Variants in MRTFB observed in about 807,000 individuals in gnomAD.
MRTFB encodes myocardin-related transcription factor B.
MRTFB carries 29 observed loss-of-function variants against 104.2 expected under a neutral mutation model. The observed-to-expected ratio is 0.28, with a 90% CI of 0.21 to 0.38. The LOEUF (loss-of-function observed/expected upper bound fraction) is 0.38. Among genes scored for constraint, MRTFB ranks in the 10% least tolerant of loss-of-function variants. The probability of loss-of-function intolerance (pLI) is 1.00; values close to 1 mark genes in which losing one functional copy is unlikely to be tolerated. For synonymous variants in MRTFB, 535 were observed against 519.5 expected (o/e 1.03, Z -0.41); for missense variants, 1,270 against 1,341.6 (o/e 0.95, Z 0.83).
intron 1 of MRTFB, among the ~76,000 whole-genome samples, chr16:14,077,428 T>C (rs1000316814): frequency 2.6e-5 from 4 of 152,164 alleles, no homozygotes; most frequent in African/African-American, 9.6e-5. Flanking sequence ...TTCTATTCTA[T>C]GACATTAGTC....
In MRTFB at chr16:14,261,055, A is replaced by C. The variant is rs774687627; in HGVS notation, c.2911A>C (p.Met971Leu). 3.6e-5 allele frequency: 58 copies of C among 1,614,074 alleles called. No homozygotes were observed. The highest frequency in any genetic ancestry group is 4.6e-5 in the Non-Finnish European group (54 of 1,180,050). ...QMAPPVSLEP[M>L]GSLSASLENQ... ...GGCACCACCTGTATCTTTAGAACCT[A>C]TGGGCAGTTTATCTGCCAGCTTAGA... The change falls in exon 17 of 17, where the codon ATG becomes CTG. Residue 971 changes from methionine (M) to leucine (L), a missense_variant. By Grantham distance (15) the Met-to-Leu change is conservative (BLOSUM62 2). This residue lies in a region of MRTFB where 1,144 missense variants were observed against 1,131.5 expected (regional missense o/e 1.01). Transcript: ENST00000571589.
the MRTFB span, among the ~76,000 whole-genome samples, chr16:14,023,275 A>G: frequency 6.6e-6 from 1 of 151,940 alleles, no homozygotes; most frequent in African/African-American, 2.4e-5. Context: ...CTATCTCTAC[A>G]AAAAATAAAA....
intron 8 of MRTFB, among the ~76,000 whole-genome samples, chr16:14,233,598 G>A (rs981693108): frequency 1.3e-5 from 2 of 151,958 alleles, no homozygotes; most frequent in Non-Finnish European, 2.9e-5. Context: ...GACCCAGCCT[G>A]GCCAACGTGG....
chr16:14,217,019 C>CAAAAATGTG, intron 6 of MRTFB, 107 bp from the exon 7 acceptor site: 1 of 1,160,780 alleles, frequency 8.6e-7, no homozygotes, highest in Non-Finnish European at 1.2e-6. Context: ...GTCGAGAACA[C>CAAAAATGTG]AAAAATGTGT....
In MRTFB at chr16:14,253,120, C is replaced by A. The variant is rs141537761; in HGVS notation, c.2703+618C>A. Among the ~76,000 whole-genome samples, 164 of 152,298 alleles carry A rather than the reference C, an allele frequency of 1.1e-3. 3 individuals carry two copies. In the East Asian group the frequency reaches 0.029, roughly 27 times the overall value. ...TAAAACAGAAGTAGCCCCAACCATA[C>A]CAAGCAATGGAAGAAGTTAGGGTTC... On this transcript the variant is annotated intron_variant, in intron 15 of 16. Transcript: ENST00000571589.
rs1360555737 is a variant in MRTFB, at chr16:14,174,757, C to T, written c.154+33997C>T. The stretch of plus-strand genomic sequence containing the variant: ...ATTTGAATTTTACATTTTCTGTTTT[C>T]GGGATCACCACCCGTTTGCCATCCT... On this transcript the variant is annotated intron_variant, in intron 3 of 16. Transcript: ENST00000571589. Among the ~76,000 whole-genome samples the T allele has an allele frequency of 3.9e-5, 6 of 152,078 alleles. No individual in the cohort carries two copies. In the South Asian group the frequency reaches 8.3e-4, roughly 21 times the overall value.
chr16:14,002,331 C>A, the MRTFB span, among the ~76,000 whole-genome samples: 7 of 151,312 alleles, frequency 4.6e-5, no homozygotes, highest in African/African-American at 1.5e-4. Flanking sequence ...TGCAGTGAGC[C>A]GAGATGATGC....
intron 9 of MRTFB, among the ~76,000 whole-genome samples, chr16:14,235,935 C>A (rs1336194499): frequency 6.6e-6 from 1 of 151,988 alleles, no homozygotes; most frequent in Non-Finnish European, 1.5e-5. Flanking sequence ...AATCCCTGCA[C>A]TTTGGGAGGC....
chr16:14,221,938 T>C (rs2041739170), intron 8 of MRTFB, among the ~76,000 whole-genome samples: 1 of 152,070 alleles, frequency 6.6e-6, no homozygotes, highest in Non-Finnish European at 1.5e-5. Flanking sequence ...CCCGCCATCA[T>C]GCCCAGCTAA....
At chr16:14,178,309 A>T (rs571166444) in intron 3 of MRTFB, among the ~76,000 whole-genome samples, 3 of 152,276 alleles carry the variant, frequency 2.0e-5, no homozygotes, top group African/African-American at 7.2e-5. Context: ...TGAGAAAGCT[A>T]TGAGGATAGT....
the MRTFB span, among the ~76,000 whole-genome samples, chr16:14,064,970 A>T: frequency 2.0e-5 from 3 of 152,116 alleles, no homozygotes; most frequent in East Asian, 5.8e-4. Context: ...TGAATTTTAG[A>T]ATAGTTTTTT....
the MRTFB span, among the ~76,000 whole-genome samples, chr16:14,037,854 C>G: frequency 1.3e-5 from 2 of 152,204 alleles, no homozygotes; most frequent in Non-Finnish European, 2.9e-5. Flanking sequence ...GGCTTGCTCT[C>G]ACTTTTTGGA....
chr16:14,210,046 C>T (rs2041126522), intron 3 of MRTFB, among the ~76,000 whole-genome samples, 197 bp from the exon 4 acceptor site: 1 of 152,172 alleles, frequency 6.6e-6, no homozygotes, highest in South Asian at 2.1e-4. Context: ...ACTGTGTAAA[C>T]TTTAGTGTTC....
chr16:14,175,526 A>G (rs985056778), intron 3 of MRTFB, among the ~76,000 whole-genome samples: 5 of 152,226 alleles, frequency 3.3e-5, no homozygotes, highest in African/African-American at 9.6e-5. Flanking sequence ...GTTTTTGGCT[A>G]TTACAAATAA....
intron 3 of MRTFB, among the ~76,000 whole-genome samples, chr16:14,209,794 T>TA (rs1171672314): frequency 6.6e-6 from 1 of 152,196 alleles, no homozygotes; most frequent in Non-Finnish European, 1.5e-5. Flanking sequence ...TAATTTTTAT[T>TA]ATGCAAGCAG....
chr16:14,004,448 T>G, the MRTFB span, among the ~76,000 whole-genome samples: 1,629 of 152,176 alleles, frequency 0.011, 33 homozygotes, highest in African/African-American at 0.037. Flanking sequence ...GGGGTTACTG[T>G]GGGTCGGGTG....
intron 2 of MRTFB, among the ~76,000 whole-genome samples, chr16:14,128,812 T>C (rs565639560): frequency 6.6e-6 from 1 of 152,272 alleles, no homozygotes; most frequent in Admixed American, 6.5e-5. Flanking sequence ...TTTAATTATT[T>C]GTAATTTGTG....
Position 14,250,208 on chromosome 16 carries a change from TAGG to T in MRTFB, c.2403+1130_2403+1132del, listed in dbSNP as rs765717530. Among the ~76,000 whole-genome samples the T allele has an allele frequency of 7.2e-5, 11 of 152,232 alleles. 1 individual carries two copies. In the South Asian group the frequency reaches 1.0e-3, roughly 14 times the overall value. ...TTTAAGGAAAATTAATTTTTTCAAATAGGAGTATATTTACAGAACTCATCACCA... is the reference window on the plus strand; with the variant it reads ...TTTAAGGAAAATTAATTTTTTCAAATAGTATATTTACAGAACTCATCACCA... On this transcript the variant is annotated intron_variant, in intron 13 of 16. Transcript: ENST00000571589.
At chr16:14,259,992 T>G (rs2151478500) in intron 16 of MRTFB, among the ~76,000 whole-genome samples, 1 of 152,368 alleles carries the variant, frequency 6.6e-6, no homozygotes, top group East Asian at 1.9e-4. Context: ...TTTTTCCTAG[T>G]GTATCTGCAT....
Sources: allele counts gnomAD v4.1 joint callset (sites outside exome capture counted in the v4.1 genomes callset), GRCh38; gene constraint gnomAD v4.1.1; regional missense constraint gnomAD v4.1.1; transcripts MANE v1.5; gene names NCBI Gene and HGNC (gene_info 2026-07-23, HGNC 2026-07-21).